Variants in ZNF75A observed in about 807,000 individuals in gnomAD.
The protein encoded by ZNF75A is zinc finger protein 75A.
Under a neutral mutation model 46.3 loss-of-function variants are expected in ZNF75A, and 36 were observed. The observed-to-expected ratio is 0.78, with a 90% CI of 0.60 to 1.03. ZNF75A has a LOEUF of 1.03. Ranked by LOEUF, ZNF75A falls within the 50% of genes least tolerant of loss-of-function variation. The probability of loss-of-function intolerance (pLI) is 0.00; values close to 1 mark genes in which losing one functional copy is unlikely to be tolerated. For synonymous variants in ZNF75A, 234 were observed against 189.9 expected (o/e 1.23, Z -1.91); for missense variants, 595 against 551.3 (o/e 1.08, Z -0.79).
Position 3,312,726 on chromosome 16 carries a change from A to C in ZNF75A, c.654A>C (p.Lys218Asn). 2.9e-6 allele frequency: 3 copies of C among 1,033,668 alleles called. No homozygotes were observed. Among genetic ancestry groups the C allele is most frequent in the South Asian group, 8.2e-5 (2 of 24,316 alleles). 64.0% of individuals were successfully genotyped at this position (1,033,668 alleles called of 1,614,324 possible). A position where few individuals can be genotyped will look rare whatever the true frequency, so the allele number is the denominator to read the frequency against. The change falls in exon 4 of 7, where the codon AAA becomes AAC. Residue 218 changes from lysine (K) to asparagine (N), a missense_variant. By Grantham distance (94) the Lys-to-Asn change is moderately conservative. Coordinates refer to ENST00000669516, the MANE Select transcript of ZNF75A (RefSeq NM_001302109.2). Reference protein sequence around the residue: ...ILAFPEQTNTKDWTVTPEHVL... With the variant: ...ILAFPEQTNTNDWTVTPEHVL... ...CTTTTCCTGAGCAAACAAACACCAA[A>C]GACTGGACAGTGACACCTGAGCACG...
Position 3,308,649 on chromosome 16 carries a change from A to G in ZNF75A, c.221A>G (p.His74Arg). ...GTCAGCAAACTTCAAGAATTATGTC[A>G]TCTATGGCTGAAGCCAGAGATCCAC... is the stretch of plus-strand genomic sequence containing the variant. ...EAVSKLQELC[H>R]LWLKPEIHSK... Residue 74 changes from histidine to arginine, a missense_variant, in exon 2 of 7, where the codon CAT becomes CGT. Physicochemically the swap from His to Arg is conservative, Grantham distance 29 (BLOSUM62 0). Coordinates refer to ENST00000669516, the MANE Select transcript of ZNF75A (RefSeq NM_001302109.2). The G allele has an allele frequency of 2.0e-6, 2 of 987,758 alleles. No homozygotes were observed. The highest frequency in any genetic ancestry group is 2.4e-6 in the Non-Finnish European group (2 of 830,462). The allele number at this position is 987,758 out of a possible 1,614,324, so 61.2% of individuals were successfully genotyped here. A position where few individuals can be genotyped will look rare whatever the true frequency, so the allele number is the denominator to read the frequency against.
At chr16:3,317,072 C>A in intron 6 of ZNF75A, 50 bp downstream of exon 6, 1 of 1,557,910 alleles carries the variant, frequency 6.4e-7, no homozygotes, top group Non-Finnish European at 8.8e-7. Context: ...TGAACTTTTG[C>A]AAGGGCTTAA....
At position 3,312,670 on chromosome 16, in the gene ZNF75A, C is replaced by T. The variant is rs1960900119; in HGVS notation, c.605-7C>T. On this transcript the variant is annotated splice_region_variant and splice_polypyrimidine_tract_variant and intron_variant, in intron 3 of 6. Transcript: ENST00000669516. The stretch of plus-strand genomic sequence containing the variant: ...AGAGATTTCTTCTGGCTCTTTTCCC[C>T]CCACAGCTGTGCCTACTCAACAGAT... The T allele has an allele frequency of 8.0e-6, 8 of 1,000,538 alleles. No individual in the cohort carries two copies. In the South Asian group the frequency reaches 3.0e-4, roughly 38 times the overall value. 62.0% of individuals were successfully genotyped at this position (1,000,538 alleles called of 1,614,324 possible). A position where few individuals can be genotyped will look rare whatever the true frequency, so the allele number is the denominator to read the frequency against.
In ZNF75A at chr16:3,317,935, A is replaced by T. The variant is rs186369703; in HGVS notation, c.*66A>T. 20 of 1,501,238 alleles carry T rather than the reference A, an allele frequency of 1.3e-5. 1 individual carries two copies. The East Asian group carries it at 3.7e-4, about 28-fold the overall frequency. 93.0% of individuals were successfully genotyped at this position (1,501,238 alleles called of 1,614,324 possible). ...CAAATGGAGCTTGGCACTAAAATTTATGTAAAAGAAAAATCACAAACCTTG... is the reference window on the plus strand; with the variant it reads ...CAAATGGAGCTTGGCACTAAAATTTTTGTAAAAGAAAAATCACAAACCTTG... On this transcript the variant is annotated 3_prime_UTR_variant, in exon 7 of 7. Transcript: ENST00000669516.
rs754963770 is a variant in ZNF75A, at chr16:3,313,208, GTACTC to G, written c.823+36_823+40del. On this transcript the variant is annotated intron_variant, in intron 5 of 6. Coordinates refer to ENST00000669516, the MANE Select transcript of ZNF75A (RefSeq NM_001302109.2). ...TTTTCCCTTCCCTTTATGTAGTTGAGTACTCTATTCTTGGCTTACTGAGAAGGAAC... is the reference window on the plus strand; with the variant it reads ...TTTTCCCTTCCCTTTATGTAGTTGAGTATTCTTGGCTTACTGAGAAGGAAC... 2.1e-4 allele frequency: 342 copies of G among 1,607,110 alleles called. 2 individuals carry two copies. Among genetic ancestry groups the G allele is most frequent in the Middle Eastern group, 1.5e-3 (9 of 6,020 alleles).
At chr16:3,315,667 T>C (rs946458366) in intron 5 of ZNF75A, among the ~76,000 whole-genome samples, 7 of 152,208 alleles carry the variant, frequency 4.6e-5, no homozygotes, top group African/African-American at 1.7e-4. Context: ...TGTCAGTAGC[T>C]TTCTAACAGG....
At chr16:3,316,706 A>G (rs1961232276) in intron 5 of ZNF75A, 1 of 432,000 alleles carries the variant, frequency 2.3e-6, no homozygotes. Context: ...GATCCACCGT[A>G]GATTTATTTC....
At position 3,308,385 on chromosome 16, in the gene ZNF75A, C is replaced by T. The variant is rs930653385; in HGVS notation, c.-44C>T. ...AGGATCTCATTTGTTAAACGTGGTA[C>T]CAATTGGGTGTCTTAACACAGGAGC... On this transcript the variant is annotated 5_prime_UTR_variant, in exon 2 of 7. Coordinates refer to ENST00000669516, the MANE Select transcript of ZNF75A (RefSeq NM_001302109.2). 67 of 981,898 alleles carry T rather than the reference C, an allele frequency of 6.8e-5. No homozygotes were observed. The highest frequency in any genetic ancestry group is 7.9e-5 in the Non-Finnish European group (65 of 826,550). 60.8% of individuals were successfully genotyped at this position (981,898 alleles called of 1,614,324 possible).
At position 3,317,922 on chromosome 16, in the gene ZNF75A, G is replaced by A. The variant is rs1596403079; in HGVS notation, c.*53G>A. ...TGAAGACATTCACCAAATGGAGCTT[G>A]GCACTAAAATTTATGTAAAAGAAAA... On this transcript the variant is annotated 3_prime_UTR_variant, in exon 7 of 7. Coordinates refer to ENST00000669516, the MANE Select transcript of ZNF75A (RefSeq NM_001302109.2). The A allele has an allele frequency of 4.0e-6, 6 of 1,505,878 alleles. No individual in the cohort carries two copies. The East Asian group carries it at 1.2e-4, about 29-fold the overall frequency. The allele number at this position is 1,505,878 out of a possible 1,614,324, so 93.3% of individuals were successfully genotyped here. A position where few individuals can be genotyped will look rare whatever the true frequency, so the allele number is the denominator to read the frequency against.
In ZNF75A at chr16:3,317,029, A is replaced by G. The variant is rs1250562830; in HGVS notation, c.934+7A>G. On this transcript the variant is annotated splice_region_variant and intron_variant, in intron 6 of 6. Coordinates refer to ENST00000669516, the MANE Select transcript of ZNF75A (RefSeq NM_001302109.2). ...GCCGGAAAATCTCCTACAGGTAAAT[A>G]TACCATGGGAAGTGGAGAAATGTGC... The G allele has an allele frequency of 6.2e-7, 1 of 1,608,322 alleles. No individual in the cohort carries two copies. Among genetic ancestry groups the G allele is most frequent in the Non-Finnish European group, 8.5e-7 (1 of 1,175,758 alleles).
chr16:3,311,042 T>C lies in ZNF75A; in HGVS notation c.409-711T>C. The stretch of plus-strand genomic sequence containing the variant: ...GATAATCAGGCTGACAGGAAAACTT[T>C]TAAATTCATTTATTTGAATTTTAGA... On this transcript the variant is annotated intron_variant, in intron 2 of 6. Transcript: ENST00000669516. 5.8e-6 allele frequency: 4 copies of C among 686,028 alleles called. No homozygotes were observed. In the South Asian group the frequency reaches 2.6e-4, roughly 45 times the overall value. 42.5% of individuals were successfully genotyped at this position (686,028 alleles called of 1,614,324 possible).
At position 3,311,755 on chromosome 16, in the gene ZNF75A, T is replaced by G; in HGVS notation, c.411T>G (p.Val137=). 4 of 1,049,980 alleles carry G rather than the reference T, an allele frequency of 3.8e-6. No individual in the cohort carries two copies. Among genetic ancestry groups the G allele is most frequent in the Non-Finnish European group, 4.6e-6 (4 of 862,838 alleles). 65.0% of individuals were successfully genotyped at this position (1,049,980 alleles called of 1,614,324 possible). A position where few individuals can be genotyped will look rare whatever the true frequency, so the allele number is the denominator to read the frequency against. ...ACAAGGATGGGAATTATTTCTAGGTTGCAGTCCATGAGCTGGGAAAGGAGG... is the reference window on the plus strand; with the variant it reads ...ACAAGGATGGGAATTATTTCTAGGTGGCAGTCCATGAGCTGGGAAAGGAGG... ...QRESGQTWNG[V]AVHELGKEAV... The change falls in exon 3 of 7, where the codon GTT becomes GTG. Residue 137 remains valine, a splice_region_variant and synonymous_variant. Transcript: ENST00000669516.
downstream of ZNF75A, among the ~76,000 whole-genome samples, chr16:3,321,713 C>T (rs868642383): frequency 3.6e-4 from 55 of 152,162 alleles, no homozygotes; most frequent in African/African-American, 1.3e-3. Flanking sequence ...AAGTGATCCT[C>T]CTGCATTGGC....
In ZNF75A at chr16:3,311,882, T is replaced by C; in HGVS notation, c.538T>C (p.Tyr180His). 9.9e-7 allele frequency: 1 copy of C among 1,007,152 alleles called. No individual in the cohort carries two copies. The highest frequency in any genetic ancestry group is 1.2e-6 in the Non-Finnish European group (1 of 840,740). 62.4% of individuals were successfully genotyped at this position (1,007,152 alleles called of 1,614,324 possible). A position where few individuals can be genotyped will look rare whatever the true frequency, so the allele number is the denominator to read the frequency against. ...VSQDEEFWNT[Y>H]EGLQEQLSRN... Reference sequence around the variant, plus strand: ...CCAAGATGAAGAATTTTGGAATACATACGAGGGTCTGCAAGAACAGCTCAG... The same window carrying C: ...CCAAGATGAAGAATTTTGGAATACACACGAGGGTCTGCAAGAACAGCTCAG... The change falls in exon 3 of 7, where the codon TAC (tyrosine) becomes CAC (histidine). Residue 180 changes from tyrosine to histidine, a missense_variant. Tyr to His is a moderately conservative substitution (Grantham distance 83). Transcript: ENST00000669516.
chr16:3,316,829 G>T, intron 5 of ZNF75A, 83 bp from the exon 6 acceptor site: 3 of 887,480 alleles, frequency 3.4e-6, no homozygotes, highest in South Asian at 1.6e-5. Context: ...AAATGTCTTT[G>T]GTCATCCTGA....
intron 1 of ZNF75A, chr16:3,306,347 T>C (rs1416960191): frequency 1.3e-5 from 2 of 152,172 alleles, no homozygotes; most frequent in Admixed American, 6.5e-5. Flanking sequence ...AAATAAAATA[T>C]CCTTTTTTAC....
In ZNF75A at chr16:3,317,674, A is replaced by G. The variant is rs1961327948; in HGVS notation, c.1419A>G (p.Leu473=). The G allele has an allele frequency of 6.2e-7, 1 of 1,614,194 alleles. No individual in the cohort carries two copies. Among genetic ancestry groups the G allele is most frequent in the Middle Eastern group, 1.6e-4 (1 of 6,062 alleles). The change falls in exon 7 of 7, where the codon TTA becomes TTG. Residue 473 remains leucine, a synonymous_variant. Transcript: ENST00000669516. ...CGKSFSQNTN[L]HTHQRTHTGE... ...AAAGCTTCAGTCAAAATACAAATTT[A>G]CATACACACCAAAGAACTCATACAG...
chr16:3,308,937 C>A (rs1960493512), intron 2 of ZNF75A, 101 bp downstream of exon 2: 7 of 756,558 alleles, frequency 9.3e-6, no homozygotes, highest in Non-Finnish European at 1.1e-5. Flanking sequence ...TTAGGTAGGT[C>A]ATTGTTTGGT....
At chr16:3,310,994 T>G in intron 2 of ZNF75A, 2 of 976,278 alleles carry the variant, frequency 2.0e-6, no homozygotes, top group Non-Finnish European at 2.4e-6. Flanking sequence ...CCCCATTCTC[T>G]GAAAACCTTC....
Sources: allele counts gnomAD v4.1 joint callset (sites outside exome capture counted in the v4.1 genomes callset), GRCh38; gene constraint gnomAD v4.1.1; transcripts MANE v1.5; gene names NCBI Gene and HGNC (gene_info 2026-07-23, HGNC 2026-07-21).